DGCR2: variants seen among roughly 807,000 people sequenced by gnomAD.
The protein encoded by DGCR2 is DiGeorge syndrome critical region gene 2.
Under a neutral mutation model 51.6 loss-of-function variants are expected in DGCR2, and 24 were observed. The observed-to-expected ratio is 0.47, with a 90% CI of 0.34 to 0.65. DGCR2 has a LOEUF of 0.65. DGCR2 is among the 30% of genes least tolerant of loss of function. The pLI is 0.01. For synonymous variants in DGCR2, 340 were observed against 315.4 expected, an observed-to-expected ratio of 1.08 and a Z score of -0.82; for missense variants, 765 against 772.1, an observed-to-expected ratio of 0.99 and a Z score of 0.11.
intron 9 of DGCR2, among the ~76,000 whole-genome samples, chr22:19,039,884 G>A (rs1010683827): frequency 1.4e-5 from 2 of 147,200 alleles, no homozygotes; most frequent in Non-Finnish European, 3.0e-5. Context: ...GGCTAGTTCT[G>A]AATTTTTTGT....
intron 7 of DGCR2, chr22:19,046,892 C>T: frequency 5.4e-6 from 1 of 186,602 alleles, no homozygotes; most frequent in Non-Finnish European, 1.2e-5. Flanking sequence ...TCCTTGTACA[C>T]ATCTGGGCAT....
At chr22:19,041,735 G>C in intron 8 of DGCR2, 72 bp downstream of exon 8, 1 of 1,522,630 alleles carries the variant, frequency 6.6e-7, no homozygotes. Flanking sequence ...CAGGGCTGGG[G>C]AGCTCATGGA....
At chr22:19,095,692 C>T (rs1021302276) in intron 1 of DGCR2, among the ~76,000 whole-genome samples, 1 of 148,926 alleles carries the variant, frequency 6.7e-6, no homozygotes, top group African/African-American at 2.5e-5. Context: ...TCAAATTTTA[C>T]ACTTTATGTA....
At chr22:19,104,954 G>A (rs1160121496) in intron 1 of DGCR2, among the ~76,000 whole-genome samples, 3 of 152,206 alleles carry the variant, frequency 2.0e-5, no homozygotes, top group Non-Finnish European at 4.4e-5. Flanking sequence ...AGGCGACCAC[G>A]CATCTCCAGG....
At chr22:19,118,394 A>C (rs1461525016) in intron 1 of DGCR2, among the ~76,000 whole-genome samples, 1 of 151,578 alleles carries the variant, frequency 6.6e-6, no homozygotes, top group Non-Finnish European at 1.5e-5. Flanking sequence ...AAAAAAAAAA[A>C]AAAACAACTC....
intron 1 of DGCR2, among the ~76,000 whole-genome samples, chr22:19,120,267 C>G (rs2083418458): frequency 6.6e-6 from 1 of 152,200 alleles, no homozygotes; most frequent in Non-Finnish European, 1.5e-5. Flanking sequence ...ACCAGATCCA[C>G]CCCACCCATG....
At chr22:19,116,507 T>C (rs192878102) in intron 1 of DGCR2, among the ~76,000 whole-genome samples, 149 of 152,294 alleles carry the variant, frequency 9.8e-4, no homozygotes, top group African/African-American at 3.5e-3. Context: ...CTCAATGAAC[T>C]GTTGGCCCAA....
intron 1 of DGCR2, chr22:19,121,897 A>G (rs2083437230): frequency 7.5e-6 from 2 of 266,384 alleles, no homozygotes; most frequent in Admixed American, 1.1e-4. Context: ...GGAAGGGCCC[A>G]GAGGCAACAT....
At chr22:19,109,018 G>A (rs9789916) in intron 1 of DGCR2, among the ~76,000 whole-genome samples, 26,883 of 151,618 alleles carry the variant, frequency 0.18, 2,530 homozygotes, top group South Asian at 0.29. Flanking sequence ...ATGACAGAGC[G>A]AAACTGTCTC....
intron 2 of DGCR2, among the ~76,000 whole-genome samples, chr22:19,089,036 G>T (rs909336948): frequency 1.3e-5 from 2 of 152,118 alleles, no homozygotes; most frequent in Non-Finnish European, 2.9e-5. Flanking sequence ...TGGGGATAAG[G>T]TCAGAGAGGT....
At chr22:19,042,672 G>A (rs1004498219) in intron 7 of DGCR2, among the ~76,000 whole-genome samples, 1 of 152,198 alleles carries the variant, frequency 6.6e-6, no homozygotes, top group African/African-American at 2.4e-5. Flanking sequence ...CAGCAGAGAA[G>A]GGAATGACAG....
intron 2 of DGCR2, among the ~76,000 whole-genome samples, chr22:19,074,873 G>C (rs1216680315): frequency 2.0e-5 from 3 of 151,996 alleles, no homozygotes; most frequent in African/African-American, 7.2e-5. Context: ...CTTTTATTGT[G>C]ACCCAGGTTT....
chr22:19,084,642 G>C (rs1279108697), intron 2 of DGCR2, among the ~76,000 whole-genome samples: 1 of 147,404 alleles, frequency 6.8e-6, no homozygotes, highest in African/African-American at 2.5e-5. Context: ...GTCTCCGCCC[G>C]GCAGCCACCC....
At chr22:19,119,592 C>T (rs1014883000) in intron 1 of DGCR2, among the ~76,000 whole-genome samples, 6 of 151,986 alleles carry the variant, frequency 3.9e-5, no homozygotes, top group East Asian at 1.9e-4. Flanking sequence ...AAAAATTAGC[C>T]GAGCGTGGAG....
intron 5 of DGCR2, among the ~76,000 whole-genome samples, chr22:19,062,779 A>ATTCATTCATTCTCTCTCT: frequency 5.5e-5 from 7 of 127,346 alleles, no homozygotes; most frequent in Non-Finnish European, 1.1e-4. Flanking sequence ...ATGCATGCTC[A>ATTCATTCATTCTCTCTCT]CTCTCTCTCT....
intron 9 of DGCR2, among the ~76,000 whole-genome samples, chr22:19,039,418 G>A (rs1177648319): frequency 6.6e-6 from 1 of 152,194 alleles, no homozygotes; most frequent in South Asian, 2.1e-4. Flanking sequence ...AGGTAGGGGA[G>A]ACACACTGAC....
intron 1 of DGCR2, among the ~76,000 whole-genome samples, chr22:19,095,311 G>A (rs932546935): frequency 6.6e-6 from 1 of 151,842 alleles, no homozygotes; most frequent in Non-Finnish European, 1.5e-5. Flanking sequence ...GCAGTGAGTC[G>A]AAATCACGCC....
chr22:19,088,244 A>G (rs1292211142), intron 2 of DGCR2, among the ~76,000 whole-genome samples: 2 of 152,218 alleles, frequency 1.3e-5, no homozygotes, highest in Non-Finnish European at 2.9e-5. Flanking sequence ...GGAAAAATCA[A>G]GCCTGGGCAC....
intron 5 of DGCR2, among the ~76,000 whole-genome samples, chr22:19,062,742 G>C (rs964351233): frequency 7.0e-6 from 1 of 143,864 alleles, no homozygotes; most frequent in Admixed American, 7.0e-5. Context: ...AAGCAGCTCC[G>C]CATAAAATCT....
Sources: allele counts gnomAD v4.1 joint callset (sites outside exome capture counted in the v4.1 genomes callset), GRCh38; gene constraint gnomAD v4.1.1; transcripts MANE v1.5; gene names NCBI Gene and HGNC (gene_info 2026-07-23, HGNC 2026-07-21).